The following UNC13B variants were observed in gnomAD, a reference collection of about 807,000 sequenced individuals.
The protein encoded by UNC13B is protein unc-13 homolog B.
Under a neutral mutation model 211.0 loss-of-function variants are expected in UNC13B, and 144 were observed. The observed-to-expected ratio is 0.68, with a 90% CI of 0.60 to 0.78. The LOEUF is 0.78. Among genes scored for constraint, UNC13B ranks in the 30% least tolerant of loss-of-function variants. The pLI, the probability that UNC13B is intolerant of heterozygous loss-of-function variation, is 0.00. For synonymous variants in UNC13B, 709 were observed against 725.8 expected (o/e 0.98, Z 0.37); for missense variants, 1,777 against 2,002.0 (o/e 0.89, Z 2.14).
At chr9:35,198,061 C>T (rs79310976) in intron 1 of UNC13B, among the ~76,000 whole-genome samples, 10 of 152,150 alleles carry the variant, frequency 6.6e-5, no homozygotes, top group African/African-American at 2.4e-4. Flanking sequence ...TGTTAACACC[C>T]CACTTGGTGT....
chr9:35,350,579 T>G (rs1564155969), intron 11 of UNC13B, among the ~76,000 whole-genome samples: 1 of 152,108 alleles, frequency 6.6e-6, no homozygotes, highest in Non-Finnish European at 1.5e-5. Context: ...TCATCCCCAG[T>G]TGTGAGTTCA....
chr9:35,215,442 C>G (rs927063752), intron 1 of UNC13B, among the ~76,000 whole-genome samples: 1 of 152,090 alleles, frequency 6.6e-6, no homozygotes, highest in Admixed American at 6.6e-5. Flanking sequence ...TATAAAACTA[C>G]TATAATTTTA....
At chr9:35,201,771 C>T (rs1435581855) in intron 1 of UNC13B, among the ~76,000 whole-genome samples, 6 of 152,000 alleles carry the variant, frequency 3.9e-5, no homozygotes, top group Admixed American at 6.6e-5. Flanking sequence ...TTTTGTTGAT[C>T]TTTTCAAAAA....
At position 35,306,099 on chromosome 9, in the gene UNC13B, A is replaced by G. The variant is rs1829908140; in HGVS notation, c.6695A>G (p.Lys2232Arg). Reference sequence around the variant, plus strand: ...CAAAAAAAGGAGACCTCTGGGGAAAAACAAAGCATTTCAACTGTTGTTCCA... The same window carrying G: ...CAAAAAAAGGAGACCTCTGGGGAAAGACAAAGCATTTCAACTGTTGTTCCA... ...LDQKKETSGE[K>R]QSISTVVPVT... The change falls in exon 9 of 40, where the codon AAA becomes AGA. Residue 2232 changes from lysine to arginine, a missense_variant. Coordinates refer to ENST00000635942, the MANE Select transcript of UNC13B (RefSeq NM_001371189.2). The G allele has an allele frequency of 7.5e-6, 3 of 398,838 alleles. No individual in the cohort carries two copies. The highest frequency in any genetic ancestry group is 8.8e-6 in the Non-Finnish European group (2 of 226,060). 24.7% of individuals were successfully genotyped at this position (398,838 alleles called of 1,614,324 possible).
chr9:35,312,033 G>A (rs1455175311), intron 10 of UNC13B, among the ~76,000 whole-genome samples: 2 of 152,112 alleles, frequency 1.3e-5, no homozygotes, highest in African/African-American at 4.8e-5. Context: ...AGCATCACTG[G>A]CCTCTACACA....
intron 1 of UNC13B, among the ~76,000 whole-genome samples, chr9:35,208,428 G>A (rs527635230): frequency 7.9e-5 from 12 of 152,106 alleles, no homozygotes; most frequent in East Asian, 5.8e-4. Flanking sequence ...GTCTGTTCTC[G>A]TACTGCTATA....
chr9:35,200,080 C>T (rs1005009000), intron 1 of UNC13B, among the ~76,000 whole-genome samples: 4 of 152,124 alleles, frequency 2.6e-5, no homozygotes, highest in East Asian at 1.9e-4. Context: ...TTTCCCAGCA[C>T]CATTTATTAA....
At chr9:35,400,488 C>A in intron 37 of UNC13B, 45 bp downstream of exon 37, 1 of 1,586,970 alleles carries the variant, frequency 6.3e-7, no homozygotes, top group Non-Finnish European at 8.6e-7. Context: ...CTCTCTGATA[C>A]ACATCTTCCC....
chr9:35,341,177 C>T (rs1017937600), intron 11 of UNC13B, among the ~76,000 whole-genome samples: 8 of 152,198 alleles, frequency 5.3e-5, no homozygotes, highest in African/African-American at 1.9e-4. Context: ...GATTCTGAAA[C>T]CATCTTTGGT....
intron 24 of UNC13B, among the ~76,000 whole-genome samples, chr9:35,388,157 T>A (rs888486368): frequency 1.3e-5 from 2 of 152,108 alleles, no homozygotes; most frequent in African/African-American, 4.8e-5. Flanking sequence ...CCTGTAATCC[T>A]AACACTTTGG....
chr9:35,165,786 G>A (rs1821006301), intron 1 of UNC13B, among the ~76,000 whole-genome samples: 1 of 152,064 alleles, frequency 6.6e-6, no homozygotes. Flanking sequence ...ATTTCCATAA[G>A]TATAAAGAAA....
At chr9:35,257,337 AAATATTTATAAAAATATTTATAT>A (rs1826953220) in intron 6 of UNC13B, among the ~76,000 whole-genome samples, 3 of 131,022 alleles carry the variant, frequency 2.3e-5, no homozygotes, top group African/African-American at 8.3e-5. Flanking sequence ...ATATTTATAT[AAATATTTATAAAAATATTTATAT>A]AAATATTTAT....
rs1363017047 is a variant in UNC13B, at chr9:35,378,353, G to T, written c.10122G>T (p.Val3374=). Reference sequence around the variant, plus strand: ...AAACAGGATCCAGTGACCCTTACGTGACTGTGCAAGTCAGCAAAACTAAGA... The same window carrying T: ...AAACAGGATCCAGTGACCCTTACGTTACTGTGCAAGTCAGCAAAACTAAGA... ...KDKTGSSDPY[V]TVQVSKTKKR... is the part of the protein sequence containing the mutation. The change falls in exon 17 of 40, where the codon GTG becomes GTT. Residue 3374 remains valine, a synonymous_variant. Transcript: ENST00000635942. 1.2e-6 allele frequency: 2 copies of T among 1,614,024 alleles called. No individual in the cohort carries two copies. Among genetic ancestry groups the T allele is most frequent in the Non-Finnish European group, 1.7e-6 (2 of 1,180,016 alleles).
chr9:35,323,835 C>G (rs1327148703), intron 11 of UNC13B, among the ~76,000 whole-genome samples: 4 of 152,102 alleles, frequency 2.6e-5, no homozygotes, highest in African/African-American at 9.7e-5. Flanking sequence ...GTTTCTACAG[C>G]CACCTTCCTT....
At chr9:35,342,946 T>C (rs145607571) in intron 11 of UNC13B, among the ~76,000 whole-genome samples, 3 of 152,270 alleles carry the variant, frequency 2.0e-5, no homozygotes, top group East Asian at 3.9e-4. Context: ...AAAACCACCA[T>C]CCTAATGTAT....
intron 11 of UNC13B, chr9:35,364,635 A>ATGTG: frequency 6.8e-7 from 1 of 1,481,404 alleles, no homozygotes; most frequent in Non-Finnish European, 9.1e-7. Flanking sequence ...CAAGCACTGT[A>ATGTG]TGTGTGTGTG....
At chr9:35,337,312 C>T (rs550933878) in intron 11 of UNC13B, among the ~76,000 whole-genome samples, 6 of 152,172 alleles carry the variant, frequency 3.9e-5, no homozygotes, top group African/African-American at 1.4e-4. Context: ...AGAGGAGACA[C>T]TGATAGATAA....
intron 11 of UNC13B, chr9:35,353,437 C>T (rs1832842763): frequency 1.6e-6 from 2 of 1,232,176 alleles, no homozygotes; most frequent in Admixed American, 4.2e-5. Context: ...CAGGGGGTGC[C>T]CAGGATTGCT....
Position 35,303,779 on chromosome 9 carries a change from C to T in UNC13B, c.4375C>T (p.Leu1459Phe), listed in dbSNP as rs530364616. 3 of 398,780 alleles carry T rather than the reference C, an allele frequency of 7.5e-6. No homozygotes were observed. The highest frequency in any genetic ancestry group is 2.5e-4 in the South Asian group (2 of 7,850). 24.7% of individuals were successfully genotyped at this position (398,780 alleles called of 1,614,324 possible). Residue 1459 changes from leucine (L) to phenylalanine (F), a missense_variant, in exon 9 of 40, where the codon CTT becomes TTT. Physicochemically the swap from Leu to Phe is conservative, Grantham distance 22. Transcript: ENST00000635942. ...ANSLYGNSGP[L>F]PINEANNSLE... ...CTCATTATATGGAAACTCTGGTCCTCTTCCAATTAATGAGGCTAATAATTC... is the reference window on the plus strand; with the variant it reads ...CTCATTATATGGAAACTCTGGTCCTTTTCCAATTAATGAGGCTAATAATTC...
Sources: allele counts gnomAD v4.1 joint callset (sites outside exome capture counted in the v4.1 genomes callset), GRCh38; gene constraint gnomAD v4.1.1; transcripts MANE v1.5; gene names NCBI Gene and HGNC (gene_info 2026-07-23, HGNC 2026-07-21).